ARHGEF19: variants seen among roughly 807,000 people sequenced by gnomAD.
ARHGEF19 encodes Rho guanine nucleotide exchange factor 19.
In ARHGEF19, 92 loss-of-function variants were observed where a neutral mutation model predicts 87.6. That is an observed-to-expected ratio of 1.05 (90% CI 0.89 to 1.25). ARHGEF19 has a LOEUF of 1.25. ARHGEF19 is among the 50% of genes most tolerant of loss of function. ARHGEF19 has a pLI of 0.00. For synonymous variants in ARHGEF19, 438 were observed against 446.2 expected, an observed-to-expected ratio of 0.98 and a Z score of 0.23; for missense variants, 1,054 against 1,051.8, an observed-to-expected ratio of 1.00 and a Z score of -0.03.
intron 14 of ARHGEF19, among the ~76,000 whole-genome samples, chr1:16,200,165 G>A (rs953362069): frequency 5.3e-5 from 8 of 152,224 alleles, no homozygotes; most frequent in Non-Finnish European, 1.2e-4. Flanking sequence ...TAGACCAGGT[G>A]GGCTGGTAGC....
rs141294016 is a variant in ARHGEF19, at chr1:16,198,924, G to A, written c.2252-180C>T. Among the ~76,000 whole-genome samples the A allele has an allele frequency of 1.3e-3, 202 of 152,170 alleles. No individual in the cohort carries two copies. The highest frequency in any genetic ancestry group is 4.5e-3 in the African/African-American group (188 of 41,498). On this transcript the variant is annotated intron_variant, in intron 15 of 15. Transcript: ENST00000270747. This position sits in a 1 kb window ranked among gnomAD's most constrained non-coding sequence, Gnocchi z 4.1. ...TGAGCTGTCTTGCAGATGAACTTCT[G>A]ACCTGTTTTTCCTGATATCCTCTGA... is the stretch of plus-strand genomic sequence containing the variant.
Position 16,207,104 on chromosome 1 carries a change from C to T in ARHGEF19, c.981G>A (p.Gly327=), listed in dbSNP as rs1397670561. The part of the protein sequence containing the change: ...PGDEAEGAEE[G]PGPPRANLSP... ...AGAGGTTGGCCCGCGGCGGCCCCGGCCCCTCCTCTGCGCCCTCGGCCTCGT... is the reference window on the plus strand; with the variant it reads ...AGAGGTTGGCCCGCGGCGGCCCCGGTCCCTCCTCTGCGCCCTCGGCCTCGT... Residue 327 remains glycine, a synonymous_variant, in exon 6 of 16, where the codon GGG becomes GGA. Coordinates refer to ENST00000270747, the MANE Select transcript of ARHGEF19 (RefSeq NM_153213.5). The surrounding 1 kb of genome is among the most constrained non-coding windows in gnomAD (Gnocchi z 4.0). The T allele has an allele frequency of 1.3e-6, 2 of 1,512,538 alleles. No individual in the cohort carries two copies. The highest frequency in any genetic ancestry group is 2.7e-5 in the East Asian group (1 of 36,964). The allele number at this position is 1,512,538 out of a possible 1,614,324, so 93.7% of individuals were successfully genotyped here.
At chr1:16,200,692 C>G (rs1390422960) in intron 14 of ARHGEF19, among the ~76,000 whole-genome samples, 1 of 151,044 alleles carries the variant, frequency 6.6e-6, no homozygotes. Flanking sequence ...TGCAGTGAGC[C>G]AAGATTGTGC....
At position 16,207,335 on chromosome 1, in the gene ARHGEF19, A is replaced by AATTCATTC. The variant is rs3832000; in HGVS notation, c.875-133_875-126dup. 1 of 1,198,580 alleles carries AATTCATTC rather than the reference A, an allele frequency of 8.3e-7. No homozygotes were observed. The highest frequency in any genetic ancestry group is 1.1e-6 in the Non-Finnish European group (1 of 881,532). 74.2% of individuals were successfully genotyped at this position (1,198,580 alleles called of 1,614,324 possible). On this transcript the variant is annotated intron_variant, in intron 5 of 15. Coordinates refer to ENST00000270747, the MANE Select transcript of ARHGEF19 (RefSeq NM_153213.5). This position sits in a 1 kb window ranked among gnomAD's most constrained non-coding sequence, Gnocchi z 4.0. ...GCGGTTCGGATATCTGGACACAGTGAATTCATTCATTCATTCATTCATTCC... is the reference window on the plus strand; with the variant it reads ...GCGGTTCGGATATCTGGACACAGTGAATTCATTCATTCATTCATTCATTCATTCATTCC...
intron 1 of ARHGEF19, among the ~76,000 whole-genome samples, chr1:16,210,320 C>T (rs2081187585): frequency 6.6e-6 from 1 of 152,154 alleles, no homozygotes; most frequent in South Asian, 2.1e-4. Flanking sequence ...GGGGCCTACC[C>T]TAGCCTGGCC....
At chr1:16,201,427 T>C (rs1015299893) in intron 14 of ARHGEF19, among the ~76,000 whole-genome samples, 1 of 152,196 alleles carries the variant, frequency 6.6e-6, no homozygotes, top group Admixed American at 6.5e-5. Context: ...TGTTTGCAAC[T>C]GACGCAAAGA....
rs754780100 is a variant in ARHGEF19, at chr1:16,205,208, C to T, written c.1657-32G>A. On this transcript the variant is annotated intron_variant, in intron 10 of 15. Coordinates refer to ENST00000270747, the MANE Select transcript of ARHGEF19 (RefSeq NM_153213.5). The surrounding 1 kb of genome is among the most constrained non-coding windows in gnomAD (Gnocchi z 5.8). ...GAGCCGTGGGGAGGTCACCTGCAGC[C>T]CCTCAGCTCCGGCTCCCAGAGCCCA... 3 of 1,591,360 alleles carry T rather than the reference C, an allele frequency of 1.9e-6. No individual in the cohort carries two copies. In the South Asian group the frequency reaches 3.4e-5, roughly 18 times the overall value.
Position 16,198,562 on chromosome 1 carries a change from T to TG in ARHGEF19, c.*24dup. 6.3e-7 allele frequency: 1 copy of TG among 1,577,378 alleles called. No individual in the cohort carries two copies. The highest frequency in any genetic ancestry group is 8.6e-7 in the Non-Finnish European group (1 of 1,159,464). ...ACCATCCAGGAGCCAGGCATGGAGG[T>TG]GGGGTCCTAGGCCATGGCTGCCCAT... On this transcript the variant is annotated 3_prime_UTR_variant, in exon 16 of 16. Coordinates refer to ENST00000270747, the MANE Select transcript of ARHGEF19 (RefSeq NM_153213.5). This position sits in a 1 kb window ranked among gnomAD's most constrained non-coding sequence, Gnocchi z 4.1.
rs772964344 is a variant in ARHGEF19 at position 16,201,936 on chromosome 1, TG to T, written c.2067-76del. On this transcript the variant is annotated intron_variant, in intron 13 of 15. Coordinates refer to ENST00000270747, the MANE Select transcript of ARHGEF19 (RefSeq NM_153213.5). ...CAGGGCAGGGTGCTGAAACCAAGGC[TG>T]GGGGAGCCAGACATGATGTCCAGGC... 2,692 of 1,482,752 alleles carry T rather than the reference TG, an allele frequency of 1.8e-3. 1 individual carries two copies. Among genetic ancestry groups the T allele is most frequent in the Non-Finnish European group, 2.3e-3 (2,538 of 1,084,118 alleles). 91.8% of individuals were successfully genotyped at this position (1,482,752 alleles called of 1,614,324 possible). A position where few individuals can be genotyped will look rare whatever the true frequency, so the allele number is the denominator to read the frequency against.
chr1:16,207,340 A>G lies in ARHGEF19; in HGVS notation c.875-130T>C. 3.6e-6 allele frequency: 4 copies of G among 1,105,146 alleles called. No homozygotes were observed. The highest frequency in any genetic ancestry group is 4.6e-6 in the Non-Finnish European group (4 of 869,332). 68.5% of individuals were successfully genotyped at this position (1,105,146 alleles called of 1,614,324 possible). A position where few individuals can be genotyped will look rare whatever the true frequency, so the allele number is the denominator to read the frequency against. On this transcript the variant is annotated intron_variant, in intron 5 of 15. Coordinates refer to ENST00000270747, the MANE Select transcript of ARHGEF19 (RefSeq NM_153213.5). The surrounding 1 kb of genome is among the most constrained non-coding windows in gnomAD (Gnocchi z 4.0). ...TCGGATATCTGGACACAGTGAATTC[A>G]TTCATTCATTCATTCATTCCATAAA...
At position 16,209,562 on chromosome 1, in the gene ARHGEF19, T is replaced by TA. The variant is rs1172552045; in HGVS notation, c.-29-480_-29-479insT. ...ATTTTCTCCCAAGTATAGAATGACA[T>TA]GTACACTTTCATAGATACAGACATT... On this transcript the variant is annotated intron_variant, in intron 1 of 15. Coordinates refer to ENST00000270747, the MANE Select transcript of ARHGEF19 (RefSeq NM_153213.5). 2.0e-5 allele frequency among the ~76,000 whole-genome samples: 3 copies of TA among 152,350 alleles called. No homozygotes were observed. In the East Asian group the frequency reaches 5.8e-4, roughly 29 times the overall value.
Position 16,206,242 on chromosome 1 carries a change from C to G in ARHGEF19, c.1236G>C (p.Leu412=), listed in dbSNP as rs971405678. Residue 412 remains leucine (L), a synonymous_variant, in exon 7 of 16, where the codon CTG becomes CTC. Transcript: ENST00000270747. The surrounding 1 kb of genome is among the most constrained non-coding windows in gnomAD (Gnocchi z 4.6). ...ACAGCCACTGCTTGTCCTGCGCCCC[C>G]AGACACTCGCTCAGCTCGGCAGAGC... ...FLGSAELSEC[L]GAQDKQWLFS... The G allele has an allele frequency of 1.9e-6, 3 of 1,596,564 alleles. No homozygotes were observed. The highest frequency in any genetic ancestry group is 2.6e-6 in the Non-Finnish European group (3 of 1,171,790).
Position 16,206,272 on chromosome 1 carries a change from G to C in ARHGEF19, c.1206C>G (p.Phe402Leu). Residue 402 changes from phenylalanine (F) to leucine (L), a missense_variant, in exon 7 of 16, where the codon TTC (phenylalanine) becomes TTG (leucine). Physicochemically the swap from Phe to Leu is conservative, Grantham distance 22 (BLOSUM62 0). Transcript: ENST00000270747. The surrounding 1 kb of genome is among the most constrained non-coding windows in gnomAD (Gnocchi z 4.6). ...ACTCGCTCAGCTCGGCAGAGCCTAA[G>C]AAGTGGCCCACAGCCACCGACAGGC... Reference protein sequence around the residue: ...IHSLSVAVGHFLGSAELSECL... With the variant: ...IHSLSVAVGHLLGSAELSECL... 1.3e-6 allele frequency: 2 copies of C among 1,587,894 alleles called. No homozygotes were observed. Among genetic ancestry groups the C allele is most frequent in the Non-Finnish European group, 1.7e-6 (2 of 1,167,552 alleles).
chr1:16,205,104 T>A lies in ARHGEF19; in HGVS notation c.1729A>T (p.Ile577Phe). 5 of 1,605,116 alleles carry A rather than the reference T, an allele frequency of 3.1e-6. No individual in the cohort carries two copies. The highest frequency in any genetic ancestry group is 4.3e-6 in the Non-Finnish European group (5 of 1,175,886). The change falls in exon 11 of 16, where the codon ATC becomes TTC. Residue 577 changes from isoleucine (I) to phenylalanine (F), a missense_variant. Coordinates refer to ENST00000270747, the MANE Select transcript of ARHGEF19 (RefSeq NM_153213.5). This position sits in a 1 kb window ranked among gnomAD's most constrained non-coding sequence, Gnocchi z 5.8. ...ACACACACCTTGCCCTCAAAGTGGATCTTCTTGCTCAGGTGGATGAGTTCC... is the reference window on the plus strand; with the variant it reads ...ACACACACCTTGCCCTCAAAGTGGAACTTCTTGCTCAGGTGGATGAGTTCC... ...TEELIHLSKK[I>F]HFEGKIFPLI...
rs2081170982 is a variant in ARHGEF19, at chr1:16,208,789, A to T, written c.266T>A (p.Ile89Asn). 1 of 1,613,376 alleles carries T rather than the reference A, an allele frequency of 6.2e-7. No homozygotes were observed. Among genetic ancestry groups the T allele is most frequent in the Non-Finnish European group, 8.5e-7 (1 of 1,179,780 alleles). Residue 89 changes from isoleucine (I) to asparagine (N), a missense_variant, in exon 2 of 16, where the codon ATC (isoleucine) becomes AAC (asparagine). Ile to Asn is a moderately radical substitution (Grantham distance 149). Transcript: ENST00000270747. Reference protein sequence around the residue: ...PLSPGGSDTEITSGGMRPSRA... With the variant: ...PLSPGGSDTENTSGGMRPSRA... ...GCTGGGCCGCATCCCCCCGCTGGTG[A>T]TCTCTGTATCTGAGCCTCCTGGGGA...
intron 12 of ARHGEF19, among the ~76,000 whole-genome samples, chr1:16,203,329 C>T (rs221043): frequency 0.24 from 36,972 of 152,000 alleles, 4,833 homozygotes; most frequent in South Asian, 0.39. Flanking sequence ...GAAACTCAGA[C>T]GTCATGCTCA....
At position 16,204,765 on chromosome 1, in the gene ARHGEF19, C is replaced by T. The variant is rs376152196; in HGVS notation, c.1901G>A (p.Arg634Gln). The T allele has an allele frequency of 1.3e-5, 21 of 1,596,160 alleles. No homozygotes were observed. Among genetic ancestry groups the T allele is most frequent in the African/African-American group, 9.4e-5 (7 of 74,470 alleles). The change falls in exon 12 of 16, where the codon CGG becomes CAG. Residue 634 changes from arginine (R) to glutamine (Q), a missense_variant. By Grantham distance (43) the Arg-to-Gln change is conservative. Coordinates refer to ENST00000270747, the MANE Select transcript of ARHGEF19 (RefSeq NM_153213.5). ...LFNDCLLLSR[R>Q]KELGKFAVFV... ...CCTGACTGCCCCGACTCACTCCTTCCGCCGAGAGAGCAGCAAGCAGTCATT... is the reference window on the plus strand; with the variant it reads ...CCTGACTGCCCCGACTCACTCCTTCTGCCGAGAGAGCAGCAAGCAGTCATT...
chr1:16,205,380 C>T lies in ARHGEF19; in HGVS notation c.1627G>A (p.Ala543Thr). The change falls in exon 10 of 16, where the codon GCC (alanine) becomes ACC (threonine). Residue 543 changes from alanine (A) to threonine (T), a missense_variant. Physicochemically the swap from Ala to Thr is moderately conservative, Grantham distance 58. Coordinates refer to ENST00000270747, the MANE Select transcript of ARHGEF19 (RefSeq NM_153213.5). The surrounding 1 kb of genome is among the most constrained non-coding windows in gnomAD (Gnocchi z 5.8). ...TAQGSEDEDM[A>T]TKAFNALKEL... ...TTGAGCGCATTGAAGGCCTTGGTGG[C>T]CATGTCTTCGTCTTCAGAGCCCTGT... 1 of 1,613,450 alleles carries T rather than the reference C, an allele frequency of 6.2e-7. No individual in the cohort carries two copies. The highest frequency in any genetic ancestry group is 8.5e-7 in the Non-Finnish European group (1 of 1,179,582).
rs989507244 is a variant in ARHGEF19, at chr1:16,212,535, G to T, written c.-63C>A. On this transcript the variant is annotated 5_prime_UTR_variant, in exon 1 of 16. Transcript: ENST00000270747. ...GGGAGCTCCGTCCAGCTGCCAGCAC[G>T]GTCCAGGGCTCCGGGACACCCTGGG... The T allele has an allele frequency of 6.6e-6, 1 of 152,432 alleles. No homozygotes were observed. Among genetic ancestry groups the T allele is most frequent in the South Asian group, 2.1e-4 (1 of 4,830 alleles). 9.4% of individuals were successfully genotyped at this position (152,432 alleles called of 1,614,324 possible).
Sources: gnomAD v4.1 joint callset for allele counts (sites outside exome capture counted in the v4.1 genomes callset) on GRCh38, gnomAD v4.1.1 for gene constraint, Gnocchi (gnomAD v3.1) non-coding constraint, MANE v1.5 for transcripts, NCBI Gene and HGNC (gene_info 2026-07-23, HGNC 2026-07-21) for gene names.